The following AGXT2 variants were observed in gnomAD, a reference collection of about 807,000 sequenced individuals.
AGXT2 encodes alanine--glyoxylate aminotransferase 2, also known as alanine--glyoxylate aminotransferase 2, mitochondrial.
Under a neutral mutation model 62.5 loss-of-function variants are expected in AGXT2, and 61 were observed. The ratio of observed to expected loss-of-function variants is 0.98; its 90% CI spans 0.79 to 1.21. The LOEUF is 1.21. AGXT2 is among the 50% of genes most tolerant of loss of function. The pLI is 0.00. For synonymous variants in AGXT2, 243 were observed against 218.7 expected (o/e 1.11, Z -0.98); for missense variants, 666 against 641.5 (o/e 1.04, Z -0.41).
intron 5 of AGXT2, 30 bp downstream of exon 5, chr5:35,035,192 C>T: frequency 6.3e-7 from 1 of 1,588,042 alleles, no homozygotes; most frequent in Non-Finnish European, 8.6e-7. Flanking sequence ...GTCAGTGTTC[C>T]TAAAGTTGAA....
At chr5:35,002,166 A>C (rs1436540785) in intron 13 of AGXT2, among the ~76,000 whole-genome samples, 3 of 152,136 alleles carry the variant, frequency 2.0e-5, no homozygotes, top group Non-Finnish European at 4.4e-5. Flanking sequence ...TCATTAAATT[A>C]TGTTATCTGG....
intron 2 of AGXT2, 65 bp from the exon 3 acceptor site, chr5:35,039,573 T>C: frequency 6.5e-7 from 1 of 1,546,888 alleles, no homozygotes; most frequent in Non-Finnish European, 8.9e-7. Flanking sequence ...AATCTATGAG[T>C]AACAGAGCCC....
chr5:35,003,917 T>G (rs1766329581), intron 12 of AGXT2, 56 bp from the exon 13 acceptor site: 1 of 1,553,300 alleles, frequency 6.4e-7, no homozygotes, highest in African/African-American at 1.4e-5. Flanking sequence ...TTAAAGGAAT[T>G]ATTTGCAAGA....
At chr5:35,033,962 C>G (rs1767676224) in intron 5 of AGXT2, among the ~76,000 whole-genome samples, 1 of 152,116 alleles carries the variant, frequency 6.6e-6, no homozygotes, top group Admixed American at 6.5e-5. Context: ...TCTTTAGGGA[C>G]TTACACACCT....
chr5:35,020,728 A>G (rs1194054598), intron 9 of AGXT2, among the ~76,000 whole-genome samples: 1 of 152,232 alleles, frequency 6.6e-6, no homozygotes, highest in East Asian at 1.9e-4. Context: ...GGCCAGGGCA[A>G]TTAGGTAGGA....
At chr5:35,036,891 A>AT (rs752694010) in intron 4 of AGXT2, 51 bp downstream of exon 4, 115 of 1,608,234 alleles carry the variant, frequency 7.2e-5, no homozygotes, top group African/African-American at 5.3e-4. Context: ...GGAGCATCAT[A>AT]CCTTTTTTTT....
chr5:35,039,520 C>A lies in AGXT2; in HGVS notation c.178-12G>T, dbSNP rs369998881. On this transcript the variant is annotated splice_polypyrimidine_tract_variant and intron_variant, in intron 2 of 13. Transcript: ENST00000231420. ...TTGTAGCCAAGGGACTGTAGATAAA[C>A]AAGATTTAAACCCACACACTTCTTA... 3.1e-6 allele frequency: 5 copies of A among 1,612,818 alleles called. No individual in the cohort carries two copies. Among genetic ancestry groups the A allele is most frequent in the East Asian group, 2.2e-5 (1 of 44,874 alleles).
At position 35,005,718 on chromosome 5, in the gene AGXT2, G is replaced by A. The variant is rs114087360; in HGVS notation, c.1339-1857C>T. On this transcript the variant is annotated intron_variant, in intron 12 of 13. Transcript: ENST00000231420. ...ACTCTGCTGAGGCTTAAGCCACAGCGCAGCCTGCCGAGGCCCTTGTGCCCA... is the reference window on the plus strand; with the variant it reads ...ACTCTGCTGAGGCTTAAGCCACAGCACAGCCTGCCGAGGCCCTTGTGCCCA... Among the ~76,000 whole-genome samples, 325 of 152,074 alleles carry A rather than the reference G, an allele frequency of 2.1e-3. 2 individuals carry two copies. Among genetic ancestry groups the A allele is most frequent in the Non-Finnish European group, 4.0e-3 (270 of 67,982 alleles).
intron 12 of AGXT2, 119 bp downstream of exon 12, chr5:35,009,881 G>T: frequency 7.2e-7 from 1 of 1,396,208 alleles, no homozygotes; most frequent in Non-Finnish European, 1.0e-6. Context: ...GGGCTTTGCT[G>T]AAATCTTGCT....
intron 5 of AGXT2, 87 bp downstream of exon 5, chr5:35,035,135 C>T: frequency 8.6e-7 from 1 of 1,168,144 alleles, no homozygotes; most frequent in Non-Finnish European, 1.3e-6. Flanking sequence ...AAACCTCTCT[C>T]CCACTCCATG....
Position 35,013,999 on chromosome 5 carries a change from T to C in AGXT2, c.1084A>G (p.Ile362Val), listed in dbSNP as rs1416519351. Residue 362 changes from isoleucine (I) to valine (V), a missense_variant, in exon 10 of 14, where the codon ATA (isoleucine) becomes GTA (valine). Ile to Val is a conservative substitution (Grantham distance 29, BLOSUM62 3). Coordinates refer to ENST00000231420, the MANE Select transcript of AGXT2 (RefSeq NM_031900.4). Reference protein sequence around the residue: ...IGNGFPMAAVITTPEIAKSLA... With the variant: ...IGNGFPMAAVVTTPEIAKSLA... ...CTGTGGGTCCTACCTGGAGTGGTTA[T>C]GACTGCTGCCATGGGAAAGCCATTC... 6.2e-7 allele frequency: 1 copy of C among 1,614,108 alleles called. No individual in the cohort carries two copies. The highest frequency in any genetic ancestry group is 1.7e-5 in the Admixed American group (1 of 60,018).
intron 7 of AGXT2, 107 bp from the exon 8 acceptor site, chr5:35,026,617 G>T: frequency 9.1e-7 from 1 of 1,102,906 alleles, no homozygotes; most frequent in South Asian, 1.4e-5. Flanking sequence ...CAACCAGACA[G>T]GGTAAGTTAA....
chr5:35,021,353 T>C (rs1284805979), intron 9 of AGXT2, among the ~76,000 whole-genome samples: 50 of 151,828 alleles, frequency 3.3e-4, no homozygotes, highest in Non-Finnish European at 5.9e-4. Flanking sequence ...CAAAACAGCA[T>C]GGTACTGGTA....
At chr5:35,021,604 T>C (rs1225169943) in intron 9 of AGXT2, among the ~76,000 whole-genome samples, 2 of 151,590 alleles carry the variant, frequency 1.3e-5, no homozygotes, top group African/African-American at 4.9e-5. Context: ...ACGTTAGACC[T>C]AAAACCATAA....
Position 34,998,627 on chromosome 5 carries a change from TG to T in AGXT2, c.*91del. The T allele has an allele frequency of 2.0e-6, 2 of 1,023,128 alleles. No individual in the cohort carries two copies. The highest frequency in any genetic ancestry group is 3.0e-6 in the Non-Finnish European group (2 of 666,136). 63.4% of individuals were successfully genotyped at this position (1,023,128 alleles called of 1,614,324 possible). The stretch of plus-strand genomic sequence containing the variant: ...CCTGTGGAGAGCTGCAGGCTTTCTC[TG>T]GATACCAGTGGTTCTGAAATTCTTC... On this transcript the variant is annotated 3_prime_UTR_variant, in exon 14 of 14. Coordinates refer to ENST00000231420, the MANE Select transcript of AGXT2 (RefSeq NM_031900.4).
intron 2 of AGXT2, among the ~76,000 whole-genome samples, chr5:35,039,752 T>C (rs912417531): frequency 1.3e-5 from 2 of 152,250 alleles, no homozygotes; most frequent in African/African-American, 2.4e-5. Context: ...AATTTCTACC[T>C]AGCAATGAAA....
intron 9 of AGXT2, among the ~76,000 whole-genome samples, chr5:35,018,073 T>G (rs976990790): frequency 2.6e-5 from 4 of 152,078 alleles, no homozygotes; most frequent in Non-Finnish European, 4.4e-5. Flanking sequence ...TGGGACTATG[T>G]GAAAAGACCA....
At chr5:35,022,295 T>C (rs1478553583) in intron 9 of AGXT2, among the ~76,000 whole-genome samples, 6 of 151,316 alleles carry the variant, frequency 4.0e-5, no homozygotes, top group African/African-American at 4.9e-5. Flanking sequence ...GTGGCACTAT[T>C]CACAATAGCA....
At chr5:35,027,578 C>T (rs972001392) in intron 7 of AGXT2, among the ~76,000 whole-genome samples, 1 of 151,850 alleles carries the variant, frequency 6.6e-6, no homozygotes, top group Non-Finnish European at 1.5e-5. Context: ...ATTTTATAGC[C>T]TATCTGATAA....
Sources: gnomAD v4.1 joint callset for allele counts (sites outside exome capture counted in the v4.1 genomes callset) on GRCh38, gnomAD v4.1.1 for gene constraint, MANE v1.5 for transcripts, NCBI Gene and HGNC (gene_info 2026-07-23, HGNC 2026-07-21) for gene names.